DEPDC1B: variants seen among roughly 807,000 people sequenced by gnomAD.
The protein encoded by DEPDC1B is DEP domain-containing protein 1B.
DEPDC1B carries 51 observed loss-of-function variants against 66.5 expected under a neutral mutation model. The observed-to-expected ratio is 0.77, with a 90% confidence interval of 0.61 to 0.97. The LOEUF is 0.97. Ranked by LOEUF, DEPDC1B falls within the 50% of genes least tolerant of loss-of-function variation. The pLI, the probability that DEPDC1B is intolerant of heterozygous loss-of-function variation, is 0.00. For missense variants in DEPDC1B, 552 were observed against 637.1 expected (o/e 0.87, Z 1.44); for synonymous variants, 226 against 223.6 (o/e 1.01, Z -0.10).
chr5:60,619,611 T>C (rs913028269), intron 7 of DEPDC1B, among the ~76,000 whole-genome samples: 5 of 152,148 alleles, frequency 3.3e-5, no homozygotes, highest in African/African-American at 1.2e-4. Context: ...CAAGGAGAAC[T>C]ACAAACCACT....
rs992879170 is a variant in DEPDC1B at position 60,599,106 on chromosome 5, G to A, written c.1397C>T (p.Ser466Phe). Reference sequence around the variant, plus strand: ...CAGTTTCTTCTTTTTCTCTTTGTTGGAGAGTTTGGCATCTGTTATGACTTC... The same window carrying A: ...CAGTTTCTTCTTTTTCTCTTTGTTGAAGAGTTTGGCATCTGTTATGACTTC... ...LEEVITDAKLSNKEKKKKLKQ... is the reference protein window; with the variant it reads ...LEEVITDAKLFNKEKKKKLKQ... Residue 466 changes from serine to phenylalanine, a missense_variant, in exon 10 of 11, where the codon TCC (serine) becomes TTC (phenylalanine). Transcript: ENST00000265036. 4.4e-6 allele frequency: 7 copies of A among 1,602,666 alleles called. No individual in the cohort carries two copies. Among genetic ancestry groups the A allele is most frequent in the Non-Finnish European group, 6.0e-6 (7 of 1,176,230 alleles).
chr5:60,632,495 C>T (rs554244991), intron 7 of DEPDC1B, among the ~76,000 whole-genome samples: 17 of 152,222 alleles, frequency 1.1e-4, no homozygotes, highest in African/African-American at 1.7e-4. Flanking sequence ...TCAGGCCCAG[C>T]GGCCACACGG....
intron 6 of DEPDC1B, 24 bp downstream of exon 6, chr5:60,642,788 A>C: frequency 6.3e-7 from 1 of 1,598,392 alleles, no homozygotes; most frequent in South Asian, 1.1e-5. Context: ...AATTTCACAA[A>C]ACTGGCAGAT....
intron 7 of DEPDC1B, among the ~76,000 whole-genome samples, chr5:60,615,669 T>C (rs1310716319): frequency 6.6e-6 from 1 of 152,208 alleles, no homozygotes; most frequent in Non-Finnish European, 1.5e-5. Flanking sequence ...TGGAGCCCAC[T>C]GCAGCTCAAG....
chr5:60,683,404 C>A (rs1226669073), intron 2 of DEPDC1B, among the ~76,000 whole-genome samples: 1 of 152,032 alleles, frequency 6.6e-6, no homozygotes, highest in East Asian at 1.9e-4. Context: ...TGCACTCCAG[C>A]CTGGGTAACA....
intron 2 of DEPDC1B, among the ~76,000 whole-genome samples, chr5:60,670,102 AG>A (rs949478239): frequency 7.9e-5 from 12 of 152,158 alleles, no homozygotes; most frequent in Non-Finnish European, 1.2e-4. Flanking sequence ...TAAATATAAC[AG>A]GCAGGGCGCA....
chr5:60,641,274 C>T (rs1057032609), intron 6 of DEPDC1B, among the ~76,000 whole-genome samples: 1 of 151,890 alleles, frequency 6.6e-6, no homozygotes, highest in Non-Finnish European at 1.5e-5. Flanking sequence ...AAACATCTTA[C>T]TATATATTTT....
intron 2 of DEPDC1B, among the ~76,000 whole-genome samples, chr5:60,669,644 T>C (rs932147257): frequency 2.3e-4 from 35 of 152,294 alleles, no homozygotes; most frequent in African/African-American, 7.9e-4. Flanking sequence ...TGAAAGTATG[T>C]CAGGAACATA....
At chr5:60,662,604 A>C (rs1289529123) in intron 2 of DEPDC1B, among the ~76,000 whole-genome samples, 5 of 152,330 alleles carry the variant, frequency 3.3e-5, no homozygotes, top group Non-Finnish European at 7.3e-5. Context: ...TCGAATGCCT[A>C]ATAGGGCTTT....
chr5:60,641,263 T>C (rs1244517477), intron 6 of DEPDC1B, among the ~76,000 whole-genome samples: 1 of 152,118 alleles, frequency 6.6e-6, no homozygotes, highest in Non-Finnish European at 1.5e-5. Flanking sequence ...TTCAACATCA[T>C]AAACATCTTA....
intron 7 of DEPDC1B, among the ~76,000 whole-genome samples, chr5:60,622,578 G>T (rs1179175442): frequency 6.6e-6 from 1 of 152,146 alleles, no homozygotes; most frequent in African/African-American, 2.4e-5. Context: ...TGAAATTAAG[G>T]TATGTGTATG....
At chr5:60,668,532 T>A (rs1194308231) in intron 2 of DEPDC1B, among the ~76,000 whole-genome samples, 1 of 151,818 alleles carries the variant, frequency 6.6e-6, no homozygotes, top group African/African-American at 2.4e-5. Flanking sequence ...TGCCTCGGCC[T>A]CCCAAAATGC....
intron 2 of DEPDC1B, chr5:60,648,118 G>T (rs1250796743): frequency 6.6e-6 from 1 of 152,096 alleles, no homozygotes; most frequent in Non-Finnish European, 1.5e-5. Flanking sequence ...GGGGCTAAAG[G>T]CCATTTGAAG....
chr5:60,699,454 A>AAAAAAAAAAAAC (rs1168069082), intron 1 of DEPDC1B, among the ~76,000 whole-genome samples: 1 of 150,798 alleles, frequency 6.6e-6, no homozygotes, highest in African/African-American at 2.5e-5. Context: ...AAAAAAAAAA[A>AAAAAAAAAAAAC]AAAAAAAACA....
At chr5:60,641,310 T>A (rs1041404920) in intron 6 of DEPDC1B, among the ~76,000 whole-genome samples, 2 of 152,186 alleles carry the variant, frequency 1.3e-5, no homozygotes, top group African/African-American at 4.8e-5. Flanking sequence ...CTAGATTGGT[T>A]ATACTAGCTT....
At chr5:60,614,319 C>T (rs780854650) in intron 7 of DEPDC1B, among the ~76,000 whole-genome samples, 37 of 152,104 alleles carry the variant, frequency 2.4e-4, no homozygotes, top group Non-Finnish European at 4.9e-4. Context: ...TATTTTTTTA[C>T]ACTTTCTTTC....
intron 7 of DEPDC1B, among the ~76,000 whole-genome samples, chr5:60,638,324 C>CA (rs1200014386): frequency 6.6e-6 from 1 of 151,998 alleles, no homozygotes; most frequent in Admixed American, 6.6e-5. Flanking sequence ...CAAAATACTA[C>CA]AAAAAACCTG....
chr5:60,612,055 C>A (rs1411034839), intron 7 of DEPDC1B, among the ~76,000 whole-genome samples: 1 of 152,120 alleles, frequency 6.6e-6, no homozygotes, highest in Non-Finnish European at 1.5e-5. Context: ...TTGTTAGGGG[C>A]TAATACAGCT....
chr5:60,597,878 A>G lies in DEPDC1B; in HGVS notation c.1465T>C (p.Phe489Leu). 1 of 1,612,092 alleles carries G rather than the reference A, an allele frequency of 6.2e-7. No homozygotes were observed. Among genetic ancestry groups the G allele is most frequent in the Non-Finnish European group, 8.5e-7 (1 of 1,179,394 alleles). The stretch of plus-strand genomic sequence containing the variant: ...AGTGCTGCACTTTCTGGTGTAGGAA[A>G]TCGTTCTTGATAGACTTCAGGATAG... Reference protein sequence around the residue: ...KSYPEVYQERFPTPESAALLF... With the variant: ...KSYPEVYQERLPTPESAALLF... Residue 489 changes from phenylalanine to leucine, a missense_variant, in exon 11 of 11, where the codon TTT becomes CTT. Phe to Leu is a conservative substitution (Grantham distance 22). Transcript: ENST00000265036.
Sources: allele counts gnomAD v4.1 joint callset (sites outside exome capture counted in the v4.1 genomes callset), GRCh38; gene constraint gnomAD v4.1.1; transcripts MANE v1.5; gene names NCBI Gene and HGNC (gene_info 2026-07-23, HGNC 2026-07-21).